The following SUGCT variants were observed in gnomAD, a reference collection of about 807,000 sequenced individuals.
The protein encoded by SUGCT is succinyl-CoA:glutarate-CoA transferase.
SUGCT carries 41 observed loss-of-function variants against 55.0 expected under a neutral mutation model. That is an observed-to-expected ratio of 0.74 (90% CI 0.58 to 0.97). The LOEUF is 0.97. Among genes scored for constraint, SUGCT ranks in the 50% least tolerant of loss-of-function variants. The probability of loss-of-function intolerance (pLI) is 0.00; values close to 1 mark genes in which losing one functional copy is unlikely to be tolerated. For missense variants in SUGCT, 568 were observed against 547.8 expected, an observed-to-expected ratio of 1.04 and a Z score of -0.37; for synonymous variants, 187 against 200.4, an observed-to-expected ratio of 0.93 and a Z score of 0.56.
chr7:40,908,118 C>T, the SUGCT span, among the ~76,000 whole-genome samples: 48 of 151,858 alleles, frequency 3.2e-4, no homozygotes, highest in East Asian at 8.9e-3. Context: ...TGGCTCGCAA[C>T]CTGTAACCCC....
At chr7:40,565,343 A>G (rs1334043550) in intron 12 of SUGCT, among the ~76,000 whole-genome samples, 1 of 152,212 alleles carries the variant, frequency 6.6e-6, no homozygotes, top group East Asian at 1.9e-4. Flanking sequence ...AAGTGGCTAA[A>G]TTATTATACT....
chr7:40,416,771 T>TA (rs1464456891), intron 9 of SUGCT, among the ~76,000 whole-genome samples: 1 of 152,050 alleles, frequency 6.6e-6, no homozygotes, highest in Non-Finnish European at 1.5e-5. Context: ...GTTTAAAATT[T>TA]AAAAAACAAA....
chr7:40,992,359 A>G, the SUGCT span, among the ~76,000 whole-genome samples: 7 of 152,274 alleles, frequency 4.6e-5, no homozygotes, highest in Non-Finnish European at 7.4e-5. Context: ...TTTCATGGCC[A>G]TCTTGATTTT....
intron 8 of SUGCT, among the ~76,000 whole-genome samples, chr7:40,288,137 C>T (rs1793477477): frequency 6.6e-6 from 1 of 152,034 alleles, no homozygotes; most frequent in African/African-American, 2.4e-5. Context: ...TCTTTACGGT[C>T]TGTAGTTTTC....
chr7:40,821,749 T>A (rs1291308769), intron 13 of SUGCT, among the ~76,000 whole-genome samples: 1 of 152,192 alleles, frequency 6.6e-6, no homozygotes, highest in African/African-American at 2.4e-5. Context: ...GAAGGGTTTT[T>A]TGTGTCTCTA....
chr7:40,523,967 A>G (rs1793685261), intron 12 of SUGCT, among the ~76,000 whole-genome samples: 1 of 152,012 alleles, frequency 6.6e-6, no homozygotes, highest in South Asian at 2.1e-4. Context: ...ACATGAGAGG[A>G]TTTCATCTAA....
chr7:40,518,992 G>A, intron 12 of SUGCT, among the ~76,000 whole-genome samples: 1 of 152,034 alleles, frequency 6.6e-6, no homozygotes, highest in Non-Finnish European at 1.5e-5. Context: ...GTTAACAAAT[G>A]CACCTTAACT....
chr7:40,652,424 C>G lies in SUGCT; in HGVS notation c.1090-97010C>G, dbSNP rs1800820954. Among the ~76,000 whole-genome samples, 5 of 152,256 alleles carry G rather than the reference C, an allele frequency of 3.3e-5. No individual in the cohort carries two copies. In the South Asian group the frequency reaches 6.2e-4, roughly 19 times the overall value. ...ACATGAAAAAATACATTTGTGATAT[C>G]AAGGTTATGTCTATCTCCATCTTCA... On this transcript the variant is annotated intron_variant, in intron 12 of 13. Transcript: ENST00000335693.
chr7:40,639,816 T>C (rs150232873), intron 12 of SUGCT, among the ~76,000 whole-genome samples: 1 of 152,250 alleles, frequency 6.6e-6, no homozygotes, highest in East Asian at 1.9e-4. Flanking sequence ...TCTGGCTTGC[T>C]TTTTCAGAAT....
At chr7:40,945,844 C>T in the SUGCT span, among the ~76,000 whole-genome samples, 1 of 152,138 alleles carries the variant, frequency 6.6e-6, no homozygotes, top group Admixed American at 6.5e-5. Flanking sequence ...CCACACTACA[C>T]TCCAGGCTGG....
chr7:40,357,111 CT>C (rs902603419), intron 9 of SUGCT, among the ~76,000 whole-genome samples: 3 of 152,138 alleles, frequency 2.0e-5, no homozygotes, highest in Non-Finnish European at 1.5e-5. Context: ...CAGAAACTTA[CT>C]TTGGTTGCAG....
intron 1 of SUGCT, among the ~76,000 whole-genome samples, chr7:40,170,947 C>T (rs1200707067): frequency 2.6e-5 from 4 of 152,088 alleles, no homozygotes; most frequent in East Asian, 3.9e-4. Flanking sequence ...ATTGCCTTTG[C>T]GCTCAGGGGT....
rs1787692670 is a variant in SUGCT, at chr7:40,136,311, C to G, written c.100+1191C>G. The stretch of plus-strand genomic sequence containing the variant: ...CCGCGCCTGGCGTAGGATACAGAAT[C>G]TTAAAAGAGCTTTAGGACTCATTAA... On this transcript the variant is annotated intron_variant, in intron 1 of 13. Transcript: ENST00000335693. Among the ~76,000 whole-genome samples the G allele has an allele frequency of 2.0e-5, 3 of 152,116 alleles. No individual in the cohort carries two copies. In the South Asian group the frequency reaches 6.2e-4, roughly 31 times the overall value.
chr7:40,574,161 T>C (rs1187327546), intron 12 of SUGCT, among the ~76,000 whole-genome samples: 1 of 152,124 alleles, frequency 6.6e-6, no homozygotes, highest in African/African-American at 2.4e-5. Flanking sequence ...CCCTGGATAC[T>C]CACCTCCCCT....
At chr7:40,605,801 C>G (rs892698753) in intron 12 of SUGCT, among the ~76,000 whole-genome samples, 1 of 152,094 alleles carries the variant, frequency 6.6e-6, no homozygotes, top group Non-Finnish European at 1.5e-5. Context: ...TTGAAAGATA[C>G]TTGTATGTTT....
intron 9 of SUGCT, among the ~76,000 whole-genome samples, chr7:40,416,402 G>A (rs940705191): frequency 2.0e-5 from 3 of 151,434 alleles, no homozygotes; most frequent in African/African-American, 7.3e-5. Context: ...GGGTCATTCT[G>A]ATTTTAATGA....
the SUGCT span, among the ~76,000 whole-genome samples, chr7:40,991,387 TATA>T: frequency 1.3e-5 from 2 of 152,076 alleles, no homozygotes; most frequent in Non-Finnish European, 2.9e-5. Context: ...CCATAAAAGA[TATA>T]ATAATAATTT....
At chr7:40,451,901 G>C (rs1305185483) in intron 10 of SUGCT, among the ~76,000 whole-genome samples, 3 of 152,098 alleles carry the variant, frequency 2.0e-5, no homozygotes, top group Non-Finnish European at 4.4e-5. Context: ...TGGGCTTATA[G>C]AAGATGGGGT....
intron 12 of SUGCT, among the ~76,000 whole-genome samples, chr7:40,715,490 A>G (rs1423182414): frequency 6.6e-6 from 1 of 152,128 alleles, no homozygotes; most frequent in Admixed American, 6.5e-5. Context: ...CTCATTTTCC[A>G]TAAAACAAAC....
Sources: gnomAD v4.1 joint callset for allele counts (sites outside exome capture counted in the v4.1 genomes callset) on GRCh38, gnomAD v4.1.1 for gene constraint, MANE v1.5 for transcripts, NCBI Gene and HGNC (gene_info 2026-07-23, HGNC 2026-07-21) for gene names.